The following MOGAT1 variants were observed in gnomAD, a reference collection of about 807,000 sequenced individuals.
MOGAT1 encodes the protein monoacylglycerol O-acyltransferase 1, also known as 2-acylglycerol O-acyltransferase 1.
A neutral mutation model predicts 31.4 loss-of-function variants in MOGAT1; 32 were observed. That is an observed-to-expected ratio of 1.02 (90% CI 0.77 to 1.37). The LOEUF is 1.37. Ranked by LOEUF, MOGAT1 falls within the 40% of genes most tolerant of loss-of-function variation. The probability of loss-of-function intolerance (pLI) is 0.00; values close to 1 mark genes in which losing one functional copy is unlikely to be tolerated. For missense variants in MOGAT1, 426 were observed against 402.0 expected, an observed-to-expected ratio of 1.06 and a Z score of -0.51; for synonymous variants, 145 against 144.5, an observed-to-expected ratio of 1.00 and a Z score of -0.03.
chr2:222,688,514 C>G lies in MOGAT1; in HGVS notation c.265C>G (p.Pro89Ala). ...TLWKHFKDYF[P>A]IHLIKTQDLD... ...TTGGAAACACTTTAAGGACTATTTT[C>G]CAATTCATGTGAGTACAGTTGTTTT... Residue 89 changes from proline to alanine, a missense_variant, in exon 2 of 6, where the codon CCA becomes GCA. Pro to Ala is a conservative substitution (Grantham distance 27). Coordinates refer to ENST00000446656, the MANE Select transcript of MOGAT1 (RefSeq NM_058165.3). The G allele has an allele frequency of 6.2e-7, 1 of 1,608,094 alleles. No individual in the cohort carries two copies. Among genetic ancestry groups the G allele is most frequent in the Non-Finnish European group, 8.5e-7 (1 of 1,177,302 alleles).
chr2:222,695,384 A>G (rs1692824671), intron 5 of MOGAT1, 96 bp downstream of exon 5: 1 of 728,726 alleles, frequency 1.4e-6, no homozygotes, highest in Non-Finnish European at 2.2e-6. Context: ...GCTTTGAGTA[A>G]GAACTTCCTG....
chr2:222,672,889 TTTATTATTATTATTATTA>T (rs58396282), intron 1 of MOGAT1, among the ~76,000 whole-genome samples: 1 of 139,224 alleles, frequency 7.2e-6, no homozygotes, highest in Non-Finnish European at 1.5e-5. Context: ...CTGGAATTTG[TTTATTATTATTATTATTA>T]TTATTATTAT....
chr2:222,702,862 AACTG>A (rs1692946765), intron 5 of MOGAT1, among the ~76,000 whole-genome samples: 1 of 151,876 alleles, frequency 6.6e-6, no homozygotes, highest in African/African-American at 2.4e-5. Context: ...ACAAACAAAA[AACTG>A]ACTAAGTAAG....
intron 4 of MOGAT1, 23 bp downstream of exon 4, chr2:222,694,559 T>C (rs1559232170): frequency 6.2e-6 from 10 of 1,605,578 alleles, no homozygotes; most frequent in Non-Finnish European, 8.5e-6. Flanking sequence ...TTGTATAAAG[T>C]AGGGGGTCAG....
intron 3 of MOGAT1, among the ~76,000 whole-genome samples, chr2:222,693,871 T>G (rs927778291): frequency 1.3e-5 from 2 of 152,176 alleles, no homozygotes; most frequent in Non-Finnish European, 1.5e-5. Flanking sequence ...TGGAAAATAA[T>G]GATCCATATA....
chr2:222,678,105 C>A (rs576899219), intron 1 of MOGAT1: 50 of 200,440 alleles, frequency 2.5e-4, no homozygotes, highest in African/African-American at 7.9e-4. Flanking sequence ...ATCTAGCCAG[C>A]CTGCTGTGTT....
intron 5 of MOGAT1, among the ~76,000 whole-genome samples, chr2:222,703,976 C>A (rs1012464625): frequency 6.6e-6 from 1 of 152,116 alleles, no homozygotes; most frequent in Non-Finnish European, 1.5e-5. Context: ...GAAACTGAAG[C>A]AAGATAGCTG....
chr2:222,690,987 T>G (rs1027792622), intron 3 of MOGAT1, among the ~76,000 whole-genome samples: 4 of 152,208 alleles, frequency 2.6e-5, no homozygotes, highest in Non-Finnish European at 4.4e-5. Flanking sequence ...ATTGCCGCAG[T>G]GAGTTTGAGT....
Position 222,709,727 on chromosome 2 carries a change from G to C in MOGAT1, c.854-9G>C. 1 of 1,611,956 alleles carries C rather than the reference G, an allele frequency of 6.2e-7. No individual in the cohort carries two copies. The highest frequency in any genetic ancestry group is 1.3e-5 in the African/African-American group (1 of 74,896). ...GTTCCTCACGTATGATGTATTCCCT[G>C]ATTTGCAGTTGGCCGCCCGATCCCT... On this transcript the variant is annotated splice_polypyrimidine_tract_variant and intron_variant, in intron 5 of 5. Coordinates refer to ENST00000446656, the MANE Select transcript of MOGAT1 (RefSeq NM_058165.3).
chr2:222,694,952 C>T (rs903590413), intron 4 of MOGAT1, 137 bp from the exon 5 acceptor site: 16 of 559,200 alleles, frequency 2.9e-5, no homozygotes, highest in Non-Finnish European at 4.0e-5. Context: ...TTTCAATGAA[C>T]GTGAAGTTAG....
At chr2:222,695,685 A>C (rs1003652044) in intron 5 of MOGAT1, among the ~76,000 whole-genome samples, 1 of 152,188 alleles carries the variant, frequency 6.6e-6, no homozygotes, top group Non-Finnish European at 1.5e-5. Context: ...CAGTTCACAT[A>C]AGCATCAGTT....
intron 1 of MOGAT1, among the ~76,000 whole-genome samples, chr2:222,684,053 G>A (rs990634059): frequency 6.6e-6 from 1 of 152,120 alleles, no homozygotes; most frequent in Non-Finnish European, 1.5e-5. Context: ...AGAAAATAGA[G>A]GTTATCTAGT....
intron 3 of MOGAT1, among the ~76,000 whole-genome samples, 151 bp downstream of exon 3, chr2:222,689,620 C>A (rs1318599418): frequency 6.6e-6 from 1 of 152,202 alleles, no homozygotes; most frequent in African/African-American, 2.4e-5. Context: ...TGGGTGTTTC[C>A]TGCCCTCCCC....
At chr2:222,674,035 A>G (rs1692461849) in intron 1 of MOGAT1, among the ~76,000 whole-genome samples, 1 of 152,222 alleles carries the variant, frequency 6.6e-6, no homozygotes, top group Admixed American at 6.5e-5. Context: ...GTGAGGGAGG[A>G]CTACCCGTTA....
chr2:222,672,562 G>GT (rs986050060), intron 1 of MOGAT1, among the ~76,000 whole-genome samples: 1 of 152,038 alleles, frequency 6.6e-6, no homozygotes, highest in Non-Finnish European at 1.5e-5. Context: ...TTTTCTTTTT[G>GT]TTTTTTGTTT....
intron 1 of MOGAT1, among the ~76,000 whole-genome samples, chr2:222,673,596 G>A (rs1446196090): frequency 2.6e-5 from 4 of 152,166 alleles, no homozygotes; most frequent in Non-Finnish European, 4.4e-5. Flanking sequence ...TCAAGGCGAT[G>A]CAGCTAGCAG....
chr2:222,682,139 C>T (rs898503373), intron 1 of MOGAT1, among the ~76,000 whole-genome samples: 1 of 151,618 alleles, frequency 6.6e-6, no homozygotes, highest in Non-Finnish European at 1.5e-5. Context: ...CACACACATA[C>T]GTGTGCACAC....
chr2:222,698,437 T>C (rs1025537455), intron 5 of MOGAT1, among the ~76,000 whole-genome samples: 1 of 152,216 alleles, frequency 6.6e-6, no homozygotes, highest in Non-Finnish European at 1.5e-5. Flanking sequence ...TTGTGACTGG[T>C]AAATATGTAT....
At chr2:222,701,893 C>T (rs777508678) in intron 5 of MOGAT1, among the ~76,000 whole-genome samples, 14 of 152,136 alleles carry the variant, frequency 9.2e-5, no homozygotes, top group African/African-American at 2.4e-4. Context: ...TTATCTTCTC[C>T]GAACCTCAGA....
Sources: allele counts gnomAD v4.1 joint callset (sites outside exome capture counted in the v4.1 genomes callset), GRCh38; gene constraint gnomAD v4.1.1; transcripts MANE v1.5; gene names NCBI Gene and HGNC (gene_info 2026-07-23, HGNC 2026-07-21).